Variants in OTUD7A observed in about 807,000 individuals in gnomAD.
OTUD7A encodes OTU domain-containing protein 7A.
In OTUD7A, 12 loss-of-function variants were observed where a neutral mutation model predicts 65.7. That is an observed-to-expected ratio of 0.18 (90% CI 0.12 to 0.30). The LOEUF is 0.30. Ranked by LOEUF, OTUD7A falls within the 10% of genes least tolerant of loss-of-function variation. The pLI is 1.00. For synonymous variants in OTUD7A, 641 were observed against 586.3 expected, an observed-to-expected ratio of 1.09 and a Z score of -1.35; for missense variants, 1,148 against 1,304.8, an observed-to-expected ratio of 0.88 and a Z score of 1.85.
At chr15:31,568,213 A>C (rs1888937448) in intron 4 of OTUD7A, among the ~76,000 whole-genome samples, 1 of 152,266 alleles carries the variant, frequency 6.6e-6, no homozygotes, top group Non-Finnish European at 1.5e-5. Flanking sequence ...AACTCTGGAA[A>C]GCCACAGGGG....
chr15:31,663,483 G>T (rs1892230419), intron 1 of OTUD7A, among the ~76,000 whole-genome samples: 1 of 127,658 alleles, frequency 7.8e-6, no homozygotes, highest in Admixed American at 1.1e-4. Flanking sequence ...CCCTCCCTGT[G>T]TCCATGTGTT....
intron 1 of OTUD7A, among the ~76,000 whole-genome samples, chr15:31,829,667 C>T (rs1896883816): frequency 6.6e-6 from 1 of 152,192 alleles, no homozygotes; most frequent in Non-Finnish European, 1.5e-5. Flanking sequence ...TGGGGACCTC[C>T]CCCTTTCAGT....
chr15:31,673,611 T>A (rs371672783), intron 1 of OTUD7A, among the ~76,000 whole-genome samples: 15 of 151,498 alleles, frequency 9.9e-5, no homozygotes, highest in African/African-American at 3.6e-4. Flanking sequence ...TACACTGGCA[T>A]AAAATATGTG....
rs571080445 is a variant in OTUD7A at position 31,740,103 on chromosome 15, A to G, written c.-99-83026T>C. Among the ~76,000 whole-genome samples the G allele has an allele frequency of 2.0e-5, 3 of 152,346 alleles. No individual in the cohort carries two copies. In the East Asian group the frequency reaches 5.8e-4, roughly 29 times the overall value. ...CGAGAGGAAGGCCTAGCGGAGTGTG[A>G]GGACATGAGTGGGGTGGCCGGAGCA... On this transcript the variant is annotated intron_variant, in intron 1 of 12. Coordinates refer to ENST00000307050, the MANE Select transcript of OTUD7A (RefSeq NM_001382637.1).
At chr15:31,828,697 C>T (rs1402791125) in intron 1 of OTUD7A, among the ~76,000 whole-genome samples, 2 of 152,096 alleles carry the variant, frequency 1.3e-5, no homozygotes, top group Non-Finnish European at 2.9e-5. Context: ...AATATTTTAT[C>T]ACCAATCTGT....
chr15:31,778,168 G>A (rs1314473591), intron 1 of OTUD7A, among the ~76,000 whole-genome samples: 1 of 152,064 alleles, frequency 6.6e-6, no homozygotes, highest in Non-Finnish European at 1.5e-5. Context: ...ATAGAGAGAG[G>A]GGTACAAGTA....
intron 3 of OTUD7A, among the ~76,000 whole-genome samples, chr15:31,617,469 G>C (rs1434166311): frequency 6.6e-6 from 1 of 151,798 alleles, no homozygotes; most frequent in East Asian, 1.9e-4. Flanking sequence ...TGGTGACAGA[G>C]TGAGACTCCA....
intron 1 of OTUD7A, among the ~76,000 whole-genome samples, chr15:31,715,301 G>T (rs1478892493): frequency 6.9e-6 from 1 of 144,612 alleles, no homozygotes; most frequent in African/African-American, 2.5e-5. Flanking sequence ...GCGCCTGGCT[G>T]TCCAGAACCA....
At chr15:31,603,664 A>G (rs1890149328) in intron 3 of OTUD7A, among the ~76,000 whole-genome samples, 1 of 152,238 alleles carries the variant, frequency 6.6e-6, no homozygotes, top group Non-Finnish European at 1.5e-5. Flanking sequence ...GGCAACCTAC[A>G]GAATGGGAGA....
At chr15:31,559,361 CAT>C (rs1299440042) in intron 4 of OTUD7A, among the ~76,000 whole-genome samples, 174 bp from the exon 5 acceptor site, 3 of 152,176 alleles carry the variant, frequency 2.0e-5, no homozygotes, top group African/African-American at 4.8e-5. Flanking sequence ...TATGTGCACA[CAT>C]ATGAACACAC....
At chr15:31,677,690 C>T (rs1021700668) in intron 1 of OTUD7A, among the ~76,000 whole-genome samples, 1 of 152,224 alleles carries the variant, frequency 6.6e-6, no homozygotes, top group Non-Finnish European at 1.5e-5. Flanking sequence ...CTAAGGACTC[C>T]CCAACCATGC....
chr15:31,610,615 A>ATTTTTTTTTTTT (rs1336235314), intron 3 of OTUD7A, among the ~76,000 whole-genome samples: 13 of 32,822 alleles, frequency 4.0e-4, no homozygotes, highest in Non-Finnish European at 5.5e-4. Flanking sequence ...ATATATATAT[A>ATTTTTTTTTTTT]TATTTTTTTT....
chr15:31,624,192 C>T (rs1303401920), intron 3 of OTUD7A, among the ~76,000 whole-genome samples: 1 of 152,132 alleles, frequency 6.6e-6, no homozygotes. Context: ...TATACCTGCA[C>T]CATTTAGATT....
At chr15:31,750,849 G>A (rs1429989165) in intron 1 of OTUD7A, among the ~76,000 whole-genome samples, 1 of 152,134 alleles carries the variant, frequency 6.6e-6, no homozygotes, top group Non-Finnish European at 1.5e-5. Flanking sequence ...TTCAACAAAT[G>A]GTGCTGGGAA....
Position 31,483,387 on chromosome 15 carries a change from C to T in OTUD7A, c.2709G>A (p.Ala903=). The T allele has an allele frequency of 7.5e-7, 1 of 1,329,708 alleles. No homozygotes were observed. Among genetic ancestry groups the T allele is most frequent in the Non-Finnish European group, 9.6e-7 (1 of 1,037,814 alleles). 82.4% of individuals were successfully genotyped at this position (1,329,708 alleles called of 1,614,324 possible). Residue 903 remains alanine, a synonymous_variant, in exon 13 of 13, where the codon GCG becomes GCA. Transcript: ENST00000307050. ...VQRRCQRENC[A]FYGRAETEHY... ...GCTCGGTCTCGGCGCGCCCGTAGAA[C>T]GCACAGTTCTCGCGCTGGCAGCGCC...
intron 5 of OTUD7A, among the ~76,000 whole-genome samples, chr15:31,546,942 T>G (rs1283769378): frequency 6.6e-6 from 1 of 152,238 alleles, no homozygotes; most frequent in Admixed American, 6.5e-5. Context: ...GAAGTCACTT[T>G]TCTTGATGTG....
rs1417556267 is a variant in OTUD7A, at chr15:31,860,697, A to ATATATATATATATATT, written c.-100+9809_-100+9810insAATATATATATATATA. Among the ~76,000 whole-genome samples, 3 of 129,760 alleles carry ATATATATATATATATT rather than the reference A, an allele frequency of 2.3e-5. No homozygotes were observed. The Admixed American group carries it at 2.4e-4, about 10-fold the overall frequency. 85.1% of individuals were successfully genotyped at this position (129,760 alleles called of 152,430 possible). A position where few individuals can be genotyped will look rare whatever the true frequency, so the allele number is the denominator to read the frequency against. On this transcript the variant is annotated intron_variant, in intron 1 of 12. Transcript: ENST00000307050. Reference sequence around the variant, plus strand: ...TGTGTGTATATATATATATATATATATATGTATGTATATATATATATTTTT... The same window carrying ATATATATATATATATT: ...TGTGTGTATATATATATATATATATATATATATATATATATTTATGTATGTATATATATATATTTTT...
rs372892919 is a variant in OTUD7A, at chr15:31,643,197, C to T, written c.151+11899G>A. Among the ~76,000 whole-genome samples the T allele has an allele frequency of 4.3e-4, 65 of 152,236 alleles. 1 individual carries two copies. In the South Asian group the frequency reaches 0.013, roughly 30 times the overall value. Reference sequence around the variant, plus strand: ...TGAGGGTCTCATTATGTAGCCCAGGCTAGCCTCAAACTCCTGGGCTCAAGC... The same window carrying T: ...TGAGGGTCTCATTATGTAGCCCAGGTTAGCCTCAAACTCCTGGGCTCAAGC... On this transcript the variant is annotated intron_variant, in intron 3 of 12. Transcript: ENST00000307050.
chr15:31,625,269 C>T (rs1221030994), intron 3 of OTUD7A, among the ~76,000 whole-genome samples: 3 of 152,078 alleles, frequency 2.0e-5, no homozygotes, highest in Non-Finnish European at 4.4e-5. Flanking sequence ...AGTTACACCA[C>T]GCTTGGATTT....
Sources: allele counts gnomAD v4.1 joint callset (sites outside exome capture counted in the v4.1 genomes callset), GRCh38; gene constraint gnomAD v4.1.1; transcripts MANE v1.5; gene names NCBI Gene and HGNC (gene_info 2026-07-23, HGNC 2026-07-21).